Variants in SCAF8 observed in about 807,000 individuals in gnomAD.
SCAF8 encodes SR-related and CTD-associated factor 8.
In SCAF8, 23 loss-of-function variants were observed where a neutral mutation model predicts 140.5. That is an observed-to-expected ratio of 0.16 (90% confidence interval 0.12 to 0.23). The LOEUF is 0.23. Ranked by LOEUF, SCAF8 falls within the 10% of genes least tolerant of loss-of-function variation. The pLI is 1.00. For synonymous variants in SCAF8, 575 were observed against 528.9 expected, an observed-to-expected ratio of 1.09 and a Z score of -1.20; for missense variants, 1,397 against 1,555.7, an observed-to-expected ratio of 0.90 and a Z score of 1.72.
At chr6:154,823,598 G>A (rs550936013) in intron 16 of SCAF8, among the ~76,000 whole-genome samples, 1 of 152,320 alleles carries the variant, frequency 6.6e-6, no homozygotes, top group African/African-American at 2.4e-5. Context: ...CAAGAAATTG[G>A]AAAGATAGAG....
At chr6:154,740,772 C>T (rs565186416) in intron 1 of SCAF8, among the ~76,000 whole-genome samples, 155 of 152,158 alleles carry the variant, frequency 1.0e-3, no homozygotes, top group African/African-American at 3.5e-3. Flanking sequence ...GCACGCACCT[C>T]CATGCCTGGG....
chr6:154,764,197 T>C (rs907299686), intron 1 of SCAF8, among the ~76,000 whole-genome samples: 2 of 152,164 alleles, frequency 1.3e-5, no homozygotes, highest in East Asian at 1.9e-4. Flanking sequence ...CGTTCTTTAA[T>C]GTACATGATG....
chr6:154,818,971 T>G (rs1778334586), intron 14 of SCAF8, among the ~76,000 whole-genome samples: 1 of 152,174 alleles, frequency 6.6e-6, no homozygotes, highest in East Asian at 1.9e-4. Flanking sequence ...TACCTTCTAA[T>G]TATATTATTG....
At chr6:154,807,175 G>T (rs1416053449) in intron 9 of SCAF8, among the ~76,000 whole-genome samples, 1 of 152,132 alleles carries the variant, frequency 6.6e-6, no homozygotes, top group African/African-American at 2.4e-5. Flanking sequence ...TTAGCACCAT[G>T]TTATTGAAGT....
Position 154,733,658 on chromosome 6 carries a change from G to C in SCAF8, c.-243G>C. ...CCCGCCGCCGACCCGCCCCGGCAGC[G>C]CCTCTGTTCCCTAGAACGGCGCTCC... is the stretch of plus-strand genomic sequence containing the variant. On this transcript the variant is annotated 5_prime_UTR_variant, in exon 1 of 20. Transcript: ENST00000367178. 26 of 1,166,266 alleles carry C rather than the reference G, an allele frequency of 2.2e-5. No homozygotes were observed. The highest frequency in any genetic ancestry group is 2.6e-5 in the Non-Finnish European group (25 of 945,308). The allele number at this position is 1,166,266 out of a possible 1,614,324, so 72.2% of individuals were successfully genotyped here.
intron 1 of SCAF8, among the ~76,000 whole-genome samples, chr6:154,773,449 G>C (rs1324876434): frequency 1.3e-5 from 2 of 152,162 alleles, no homozygotes; most frequent in Non-Finnish European, 2.9e-5. Flanking sequence ...TTAGCTGACA[G>C]ATATTTGGGT....
At position 154,788,334 on chromosome 6, in the gene SCAF8, G is replaced by A. The variant is rs974552181; in HGVS notation, c.321+312G>A. Among the ~76,000 whole-genome samples the A allele has an allele frequency of 7.2e-5, 11 of 152,246 alleles. No individual in the cohort carries two copies. In the East Asian group the frequency reaches 9.6e-4, roughly 13 times the overall value. ...GTCTAGGTGTGTAGTAGGCTATACC[G>A]TCTAGGTTTGTGTAAGTACACATCA... is the stretch of plus-strand genomic sequence containing the variant. On this transcript the variant is annotated intron_variant, in intron 4 of 19. Coordinates refer to ENST00000367178, the MANE Select transcript of SCAF8 (RefSeq NM_014892.5).
intron 1 of SCAF8, among the ~76,000 whole-genome samples, chr6:154,740,286 A>G (rs192432371): frequency 1.2e-3 from 184 of 152,314 alleles, no homozygotes; most frequent in Non-Finnish European, 5.7e-4. Context: ...GGATGTTTAC[A>G]GCATCCCTGG....
In SCAF8 at chr6:154,747,138, A is replaced by T. The variant is rs186228512; in HGVS notation, c.30+13208A>T. Among the ~76,000 whole-genome samples, 138 of 152,318 alleles carry T rather than the reference A, an allele frequency of 9.1e-4. 1 individual carries two copies. The highest frequency in any genetic ancestry group is 3.1e-3 in the African/African-American group (130 of 41,572). On this transcript the variant is annotated intron_variant, in intron 1 of 19. Transcript: ENST00000367178. ...GAGTGGAATCTCCAGTCCAGGGGGC[A>T]GCAAACTTTGTAGAGTATTAGTAAA... is the stretch of plus-strand genomic sequence containing the variant.
In SCAF8 at chr6:154,800,743, C is replaced by T. The variant is rs557755899; in HGVS notation, c.607-1228C>T. On this transcript the variant is annotated intron_variant, in intron 6 of 19. Coordinates refer to ENST00000367178, the MANE Select transcript of SCAF8 (RefSeq NM_014892.5). ...TAGACTTAAAAATATTTTAAAAAAC[C>T]GATGTGTACTCTTAGGTTGAATCTA... is the stretch of plus-strand genomic sequence containing the variant. Among the ~76,000 whole-genome samples, 42 of 151,278 alleles carry T rather than the reference C, an allele frequency of 2.8e-4. 1 individual carries two copies. The highest frequency in any genetic ancestry group is 8.0e-4 in the African/African-American group (33 of 41,424).
intron 4 of SCAF8, among the ~76,000 whole-genome samples, chr6:154,792,080 A>T (rs1022239501): frequency 6.6e-6 from 1 of 152,164 alleles, no homozygotes; most frequent in Non-Finnish European, 1.5e-5. Context: ...AACATTATTC[A>T]TACAGAGGAT....
intron 1 of SCAF8, among the ~76,000 whole-genome samples, chr6:154,752,344 T>C (rs1352669421): frequency 6.6e-6 from 1 of 152,204 alleles, no homozygotes; most frequent in African/African-American, 2.4e-5. Context: ...ATTAATCTTT[T>C]CTTAGCCTCA....
At chr6:154,781,668 T>C (rs9479956) in intron 3 of SCAF8, among the ~76,000 whole-genome samples, 65,032 of 152,018 alleles carry the variant, frequency 0.43, 14,895 homozygotes, top group East Asian at 0.9. Context: ...GGGTATGAAT[T>C]TACCACAGTT....
At chr6:154,787,801 GTCT>G (rs1562445988) in intron 3 of SCAF8, 57 bp from the exon 4 acceptor site, 12 of 1,408,036 alleles carry the variant, frequency 8.5e-6, no homozygotes, top group Non-Finnish European at 1.2e-5. Context: ...GATGATTTTT[GTCT>G]ATCAAGAATT....
intron 5 of SCAF8, 42 bp downstream of exon 5, chr6:154,793,018 T>A (rs764825907): frequency 2.0e-6 from 3 of 1,481,952 alleles, no homozygotes; most frequent in Non-Finnish European, 2.7e-6. Context: ...AATATTCTAC[T>A]CATACTTTTT....
intron 14 of SCAF8, among the ~76,000 whole-genome samples, chr6:154,819,048 A>T: frequency 6.6e-6 from 1 of 151,076 alleles, no homozygotes; most frequent in Non-Finnish European, 1.5e-5. Flanking sequence ...ATCTATCAGA[A>T]TATTTTTATT....
chr6:154,748,184 A>G (rs752994648), intron 1 of SCAF8, among the ~76,000 whole-genome samples: 23 of 152,214 alleles, frequency 1.5e-4, no homozygotes, highest in Non-Finnish European at 2.6e-4. Context: ...CTAAGGGAAG[A>G]CAATAAAATA....
intron 13 of SCAF8, among the ~76,000 whole-genome samples, chr6:154,817,352 C>T (rs1407116897): frequency 6.6e-6 from 1 of 152,140 alleles, no homozygotes; most frequent in East Asian, 1.9e-4. Context: ...GTATCACGGT[C>T]CCTTGAGCAT....
Position 154,808,804 on chromosome 6 carries a change from A to G in SCAF8, c.1226+6A>G, listed in dbSNP as rs1202401447. The G allele has an allele frequency of 6.3e-6, 10 of 1,579,570 alleles. No homozygotes were observed. Among genetic ancestry groups the G allele is most frequent in the Non-Finnish European group, 8.7e-6 (10 of 1,149,076 alleles). ...CATTCACGATCTCGTTCAAGGTTCTACAATGATATTTAATAATAGCCGTGT... is the reference window on the plus strand; with the variant it reads ...CATTCACGATCTCGTTCAAGGTTCTGCAATGATATTTAATAATAGCCGTGT... On this transcript the variant is annotated splice_donor_region_variant and intron_variant, in intron 11 of 19. Transcript: ENST00000367178.
Sources: allele counts gnomAD v4.1 joint callset (sites outside exome capture counted in the v4.1 genomes callset), GRCh38; gene constraint gnomAD v4.1.1; transcripts MANE v1.5; gene names NCBI Gene and HGNC (gene_info 2026-07-23, HGNC 2026-07-21).